Variants in ZNF682 observed in about 807,000 individuals in gnomAD.
The protein encoded by ZNF682 is zinc finger protein 682.
A neutral mutation model predicts 36.5 loss-of-function variants in ZNF682; 29 were observed. That is an observed-to-expected ratio of 0.80 (90% CI 0.59 to 1.08). ZNF682 has a LOEUF of 1.08. Ranked by LOEUF, ZNF682 falls within the 50% of genes least tolerant of loss-of-function variation. The pLI, the probability that ZNF682 is intolerant of heterozygous loss-of-function variation, is 0.00. For synonymous variants in ZNF682, 180 were observed against 197.0 expected (o/e 0.91, Z 0.72); for missense variants, 561 against 579.7 (o/e 0.97, Z 0.33).
chr19:20,033,128 G>A (rs1197864480), intron 1 of ZNF682, among the ~76,000 whole-genome samples: 1 of 152,034 alleles, frequency 6.6e-6, no homozygotes, highest in East Asian at 1.9e-4. Flanking sequence ...TTAGCCAGGC[G>A]TTGTGGTGGG....
chr19:20,012,761 C>A (rs1407553946), intron 3 of ZNF682, among the ~76,000 whole-genome samples: 4 of 114,696 alleles, frequency 3.5e-5, no homozygotes, highest in Admixed American at 1.8e-4. Context: ...GAGCAAGACT[C>A]CGTCTCAAAA....
At chr19:20,015,342 C>T in intron 3 of ZNF682, 1 of 985,164 alleles carries the variant, frequency 1.0e-6, no homozygotes. Flanking sequence ...GGGGTAAAAC[C>T]TATTCAGTCA....
downstream of ZNF682, among the ~76,000 whole-genome samples, chr19:20,004,187 C>A (rs2088190179): frequency 6.6e-6 from 1 of 152,132 alleles, no homozygotes; most frequent in Admixed American, 6.5e-5. Flanking sequence ...TCATAATAAT[C>A]ATCTTAATGA....
chr19:20,011,097 G>A (rs2088283670), intron 3 of ZNF682, among the ~76,000 whole-genome samples: 1 of 151,472 alleles, frequency 6.6e-6, no homozygotes, highest in Non-Finnish European at 1.5e-5. Context: ...TAAACTCAAA[G>A]TAAAGGGAAA....
At chr19:20,009,417 A>G (rs1312920181) in intron 3 of ZNF682, among the ~76,000 whole-genome samples, 1 of 152,206 alleles carries the variant, frequency 6.6e-6, no homozygotes, top group Non-Finnish European at 1.5e-5. Context: ...TATTCCTGAG[A>G]GAGAAGGAAA....
rs550408671 is a variant in ZNF682, at chr19:20,017,198, G to A, written c.226+5806C>T. On this transcript the variant is annotated intron_variant, in intron 3 of 3. Transcript: ENST00000397165. ...CACAGAACGTAATCGAAAACAAAAC[G>A]CAACTAGTAATTTTATTTCTTTCTG... is the stretch of plus-strand genomic sequence containing the variant. 5.9e-5 allele frequency among the ~76,000 whole-genome samples: 9 copies of A among 152,172 alleles called. No individual in the cohort carries two copies. The East Asian group carries it at 1.2e-3, about 20-fold the overall frequency.
At chr19:20,010,977 ATTT>A (rs544960969) in intron 3 of ZNF682, among the ~76,000 whole-genome samples, 1 of 151,970 alleles carries the variant, frequency 6.6e-6, no homozygotes, top group Non-Finnish European at 1.5e-5. Context: ...AGAAAAAAAA[ATTT>A]TTTTAATTAA....
At chr19:20,029,199 G>A (rs980789503) in intron 1 of ZNF682, among the ~76,000 whole-genome samples, 6 of 151,518 alleles carry the variant, frequency 4.0e-5, no homozygotes, top group Admixed American at 6.6e-5. Context: ...GGCTGGTCTC[G>A]AACTCCTGAC....
downstream of ZNF682, among the ~76,000 whole-genome samples, chr19:20,003,048 G>A (rs999061496): frequency 4.0e-5 from 6 of 151,292 alleles, no homozygotes; most frequent in Admixed American, 6.6e-5. Context: ...AGAATGAGCC[G>A]GGCGTGGTGG....
intron 3 of ZNF682, among the ~76,000 whole-genome samples, chr19:20,021,209 A>G (rs1041644076): frequency 2.0e-5 from 3 of 152,248 alleles, no homozygotes; most frequent in African/African-American, 7.2e-5. Context: ...CCAGCAGGAC[A>G]TGAGTTGGAC....
rs2088402577 is a variant in ZNF682, at chr19:20,023,218, G to T, written c.131-119C>A. Reference sequence around the variant, plus strand: ...ATGATTCTAGAAAATTAATAATAAGGACAGGCGCGTTGGCTCATACCTGTA... The same window carrying T: ...ATGATTCTAGAAAATTAATAATAAGTACAGGCGCGTTGGCTCATACCTGTA... On this transcript the variant is annotated intron_variant, in intron 2 of 3. Coordinates refer to ENST00000397165, the MANE Select transcript of ZNF682 (RefSeq NM_033196.3). The T allele has an allele frequency of 4.4e-6, 4 of 917,630 alleles. 1 individual carries two copies. In the South Asian group the frequency reaches 8.4e-5, roughly 19 times the overall value. The allele number at this position is 917,630 out of a possible 1,614,324, so 56.8% of individuals were successfully genotyped here.
At chr19:20,012,053 A>G (rs1305620499) in intron 3 of ZNF682, among the ~76,000 whole-genome samples, 1 of 151,974 alleles carries the variant, frequency 6.6e-6, no homozygotes, top group Non-Finnish European at 1.5e-5. Flanking sequence ...AAAAAAAAAC[A>G]GTGACAAAAT....
chr19:20,002,761 CCAT>C (rs1245851125), downstream of ZNF682, among the ~76,000 whole-genome samples: 1 of 152,042 alleles, frequency 6.6e-6, no homozygotes, highest in Non-Finnish European at 1.5e-5. Context: ...CTAAACAACA[CCAT>C]GTCTGATGTA....
intron 3 of ZNF682, among the ~76,000 whole-genome samples, chr19:20,017,595 A>G (rs145951893): frequency 1.9e-3 from 284 of 152,336 alleles, no homozygotes; most frequent in Non-Finnish European, 3.5e-3. Context: ...CAAGAAATAC[A>G]CAGCAGCACA....
At chr19:20,010,023 A>G (rs1291245109) in intron 3 of ZNF682, among the ~76,000 whole-genome samples, 2 of 151,950 alleles carry the variant, frequency 1.3e-5, no homozygotes, top group African/African-American at 2.4e-5. Flanking sequence ...CCATCTCAAC[A>G]ACAACAAAAA....
intron 3 of ZNF682, among the ~76,000 whole-genome samples, chr19:20,014,304 G>A (rs902563525): frequency 1.3e-5 from 2 of 152,102 alleles, no homozygotes; most frequent in East Asian, 3.9e-4. Flanking sequence ...AAAGAATGTA[G>A]CACAGATATT....
At chr19:20,029,279 C>T (rs1023365915) in intron 1 of ZNF682, among the ~76,000 whole-genome samples, 2 of 151,122 alleles carry the variant, frequency 1.3e-5, no homozygotes, top group Non-Finnish European at 2.9e-5. Context: ...CCGCACCCAG[C>T]CTTTCTTTTG....
chr19:20,027,486 G>A lies in ZNF682; in HGVS notation c.4-3110C>T, dbSNP rs1022353452. Among the ~76,000 whole-genome samples the A allele has an allele frequency of 7.2e-5, 11 of 152,206 alleles. No individual in the cohort carries two copies. In the South Asian group the frequency reaches 8.3e-4, roughly 11 times the overall value. On this transcript the variant is annotated intron_variant, in intron 1 of 3. Coordinates refer to ENST00000397165, the MANE Select transcript of ZNF682 (RefSeq NM_033196.3). ...TTAAAACAAAGCCTGGGGGCTAGGC[G>A]CTATGGCTCATGCCTGTAATCCCAA...
chr19:19,996,549 G>C (rs1362267228), downstream of ZNF682, among the ~76,000 whole-genome samples: 1 of 152,194 alleles, frequency 6.6e-6, no homozygotes, highest in Non-Finnish European at 1.5e-5. Flanking sequence ...GGTGGAGTTG[G>C]AGACCATTAT....
Sources: allele counts gnomAD v4.1 joint callset (sites outside exome capture counted in the v4.1 genomes callset), GRCh38; gene constraint gnomAD v4.1.1; transcripts MANE v1.5; gene names NCBI Gene and HGNC (gene_info 2026-07-23, HGNC 2026-07-21).